The following ADGRG6 variants were observed in gnomAD, a reference collection of about 807,000 sequenced individuals.
The protein encoded by ADGRG6 is G-protein coupled receptor 126.
In ADGRG6, 84 loss-of-function variants were observed where a neutral mutation model predicts 142.4. That is an observed-to-expected ratio of 0.59 (90% CI 0.49 to 0.71). The LOEUF (loss-of-function observed/expected upper bound fraction) is 0.71. ADGRG6 is among the 30% of genes least tolerant of loss of function. The probability of loss-of-function intolerance (pLI) is 0.00; values close to 1 mark genes in which losing one functional copy is unlikely to be tolerated. For synonymous variants in ADGRG6, 521 were observed against 520.5 expected, an observed-to-expected ratio of 1.00 and a Z score of -0.01; for missense variants, 1,367 against 1,466.6, an observed-to-expected ratio of 0.93 and a Z score of 1.11.
At position 142,438,240 on chromosome 6, in the gene ADGRG6, C is replaced by A; in HGVS notation, c.3450C>A (p.Ile1150=). ...SDWSKTATNI[I]KKSSDNLGKS... ...GGAGTAAGACAGCTACCAATATCAT[C>A]AAGAAAAGTTCTGATAATCTAGGAA... The change falls in exon 24 of 25, where the codon ATC becomes ATA. Residue 1150 remains isoleucine (I), a synonymous_variant. Coordinates refer to ENST00000367609, the MANE Select transcript of ADGRG6 (RefSeq NM_198569.3). The A allele has an allele frequency of 3.1e-6, 5 of 1,600,816 alleles. No homozygotes were observed. Among genetic ancestry groups the A allele is most frequent in the Non-Finnish European group, 4.3e-6 (5 of 1,172,448 alleles).
intron 22 of ADGRG6, among the ~76,000 whole-genome samples, chr6:142,436,571 T>C (rs1360523438): frequency 2.0e-5 from 3 of 152,100 alleles, no homozygotes; most frequent in Non-Finnish European, 4.4e-5. Context: ...GGAAAAGGAA[T>C]AAAGAGATTG....
At chr6:142,324,342 T>C (rs534196525) in intron 2 of ADGRG6, among the ~76,000 whole-genome samples, 1 of 152,224 alleles carries the variant, frequency 6.6e-6, no homozygotes, top group East Asian at 1.9e-4. Flanking sequence ...GCATTGAAGT[T>C]CCCTCACTAT....
At chr6:142,405,665 A>G in intron 14 of ADGRG6, 23 bp from the exon 15 acceptor site, 2 of 1,585,516 alleles carry the variant, frequency 1.3e-6, no homozygotes, top group Non-Finnish European at 1.7e-6. Flanking sequence ...TACTTGACCA[A>G]TATATCTGTG....
chr6:142,345,894 T>A lies in ADGRG6; in HGVS notation c.104-21675T>A, dbSNP rs573486687. On this transcript the variant is annotated intron_variant, in intron 2 of 24. Coordinates refer to ENST00000367609, the MANE Select transcript of ADGRG6 (RefSeq NM_198569.3). ...ATTAGTTTGTTGTTATACTTTAGATTTGTGTTAACACAAAGAATGTAAAGT... is the reference window on the plus strand; with the variant it reads ...ATTAGTTTGTTGTTATACTTTAGATATGTGTTAACACAAAGAATGTAAAGT... Among the ~76,000 whole-genome samples the A allele has an allele frequency of 2.6e-5, 4 of 152,352 alleles. No individual in the cohort carries two copies. In the East Asian group the frequency reaches 7.7e-4, roughly 29 times the overall value.
chr6:142,437,385 T>C, intron 22 of ADGRG6, 49 bp from the exon 23 acceptor site: 1 of 849,240 alleles, frequency 1.2e-6, no homozygotes, highest in Non-Finnish European at 2.0e-6. Flanking sequence ...AGATTTCTCT[T>C]TAAAGATGTG....
At chr6:142,385,444 A>G (rs998651295) in intron 6 of ADGRG6, among the ~76,000 whole-genome samples, 5 of 152,150 alleles carry the variant, frequency 3.3e-5, no homozygotes, top group Admixed American at 1.3e-4. Flanking sequence ...TACCATCTTA[A>G]CAATTGTTAT....
chr6:142,423,122 T>G (rs1279237453), intron 22 of ADGRG6, among the ~76,000 whole-genome samples: 1 of 144,772 alleles, frequency 6.9e-6, no homozygotes, highest in Non-Finnish European at 1.5e-5. Flanking sequence ...GGTTGCCTGT[T>G]CACTCTGATG....
intron 16 of ADGRG6, among the ~76,000 whole-genome samples, chr6:142,408,760 T>C (rs993004349): frequency 6.6e-6 from 1 of 152,130 alleles, no homozygotes; most frequent in Non-Finnish European, 1.5e-5. Flanking sequence ...TCTGTTTGTT[T>C]GATAAAATTA....
chr6:142,322,751 G>A (rs1459047398), intron 2 of ADGRG6, among the ~76,000 whole-genome samples: 1 of 152,018 alleles, frequency 6.6e-6, no homozygotes, highest in Non-Finnish European at 1.5e-5. Context: ...ATTTTTTATT[G>A]TATGCTTACT....
Position 142,437,524 on chromosome 6 carries a change from C to G in ADGRG6, c.3410C>G (p.Ala1137Gly). Residue 1137 changes from alanine (A) to glycine (G), a missense_variant, in exon 23 of 25, where the codon GCA becomes GGA. This residue lies in a region of ADGRG6 where 344 missense variants were observed against 348.7 expected (regional missense o/e 0.99). Transcript: ENST00000367609. Reference sequence around the variant, plus strand: ...CTCTGCTGTGGTAGATTTCGGTTAGCAGATAACTCAGGTAAAGAGTTGTTG... The same window carrying G: ...CTCTGCTGTGGTAGATTTCGGTTAGGAGATAACTCAGGTAAAGAGTTGTTG... ...QHLCCGRFRL[A>G]DNSDWSKTAT... The G allele has an allele frequency of 3.4e-6, 5 of 1,458,296 alleles. No individual in the cohort carries two copies. The highest frequency in any genetic ancestry group is 4.8e-6 in the Non-Finnish European group (5 of 1,038,000). 90.3% of individuals were successfully genotyped at this position (1,458,296 alleles called of 1,614,324 possible). A position where few individuals can be genotyped will look rare whatever the true frequency, so the allele number is the denominator to read the frequency against.
intron 14 of ADGRG6, chr6:142,405,302 T>C (rs1208375923): frequency 2.2e-6 from 1 of 455,870 alleles, no homozygotes; most frequent in Non-Finnish European, 4.4e-6. Flanking sequence ...TTAACTTCAG[T>C]CTCTTTCTCT....
chr6:142,369,243 T>C (rs1009671744), intron 3 of ADGRG6, among the ~76,000 whole-genome samples: 5 of 152,358 alleles, frequency 3.3e-5, no homozygotes, highest in Admixed American at 6.5e-5. Context: ...TGTTGTATTA[T>C]GTAATAATTT....
intron 2 of ADGRG6, among the ~76,000 whole-genome samples, chr6:142,318,098 A>G (rs1384061172): frequency 0.013 from 30 of 2,304 alleles, 7 homozygotes; most frequent in African/African-American, 0.035. Flanking sequence ...TATATTATAT[A>G]TATTTATATA....
intron 2 of ADGRG6, among the ~76,000 whole-genome samples, chr6:142,358,501 T>A (rs1273674524): frequency 6.6e-6 from 1 of 152,224 alleles, no homozygotes; most frequent in Admixed American, 6.5e-5. Flanking sequence ...CTAGCTTTTG[T>A]CTTTCTTCTC....
rs149739361 is a variant in ADGRG6, at chr6:142,309,418, A to G, written c.3-126A>G. On this transcript the variant is annotated intron_variant, in intron 1 of 24. Coordinates refer to ENST00000367609, the MANE Select transcript of ADGRG6 (RefSeq NM_198569.3). ...TCATCATCTTTTAAGTTCCTCCTCT[A>G]TTTGGAAGCAAGGATGAAAAAGGTT... is the stretch of plus-strand genomic sequence containing the variant. The G allele has an allele frequency of 2.0e-4, 115 of 567,938 alleles. 1 individual carries two copies. The African/African-American group carries it at 2.1e-3, about 10-fold the overall frequency. The allele number at this position is 567,938 out of a possible 1,614,324, so 35.2% of individuals were successfully genotyped here. A position where few individuals can be genotyped will look rare whatever the true frequency, so the allele number is the denominator to read the frequency against.
At chr6:142,428,925 T>C (rs530750733) in intron 22 of ADGRG6, among the ~76,000 whole-genome samples, 1 of 152,344 alleles carries the variant, frequency 6.6e-6, no homozygotes, top group East Asian at 1.9e-4. Flanking sequence ...AAGTGTACCT[T>C]CTCTTAACAT....
intron 2 of ADGRG6, among the ~76,000 whole-genome samples, chr6:142,328,426 T>G (rs1778886080): frequency 6.6e-6 from 1 of 152,172 alleles, no homozygotes; most frequent in South Asian, 2.1e-4. Context: ...GGTCTCGATC[T>G]TATGAGCTCA....
chr6:142,392,840 T>A (rs1383948832), intron 7 of ADGRG6, 108 bp from the exon 8 acceptor site: 1 of 714,118 alleles, frequency 1.4e-6, no homozygotes, highest in African/African-American at 1.8e-5. Flanking sequence ...TCTTCAGGAT[T>A]TTCCCAGGGT....
intron 8 of ADGRG6, 107 bp downstream of exon 8, chr6:142,393,107 C>A (rs138519632): frequency 2.7e-5 from 17 of 624,134 alleles, no homozygotes; most frequent in Middle Eastern, 4.3e-4. Context: ...ACACACATAG[C>A]TACTATATAC....
Sources: gnomAD v4.1 joint callset for allele counts (sites outside exome capture counted in the v4.1 genomes callset) on GRCh38, gnomAD v4.1.1 for gene constraint, gnomAD v4.1.1 regional missense constraint, MANE v1.5 for transcripts, NCBI Gene and HGNC (gene_info 2026-07-23, HGNC 2026-07-21) for gene names.